The following NELL1 variants were observed in gnomAD, a reference collection of about 807,000 sequenced individuals.
NELL1 encodes neural EGFL like 1.
NELL1 carries 76 observed loss-of-function variants against 107.4 expected under a neutral mutation model. The ratio of observed to expected loss-of-function variants is 0.71; its 90% CI spans 0.59 to 0.86. The LOEUF (loss-of-function observed/expected upper bound fraction) is 0.86, where lower values mean the gene tolerates loss of function less well. Ranked by LOEUF, NELL1 falls within the 40% of genes least tolerant of loss-of-function variation. NELL1 has a pLI of 0.00. For missense variants in NELL1, 1,024 were observed against 1,005.5 expected (o/e 1.02, Z -0.25); for synonymous variants, 353 against 341.2 (o/e 1.03, Z -0.38).
At chr11:21,416,287 A>G (rs757124974) in intron 15 of NELL1, among the ~76,000 whole-genome samples, 8 of 152,082 alleles carry the variant, frequency 5.3e-5, no homozygotes, top group Admixed American at 2.0e-4. Flanking sequence ...GTGCTAAATT[A>G]AATACTACCT....
chr11:21,056,908 A>G (rs533118717), intron 12 of NELL1, among the ~76,000 whole-genome samples: 2 of 152,212 alleles, frequency 1.3e-5, no homozygotes, highest in South Asian at 2.1e-4. Context: ...ATTGAAAACC[A>G]TGTTTGGCTT....
intron 10 of NELL1, among the ~76,000 whole-genome samples, chr11:20,946,694 C>A (rs7116841): frequency 0.023 from 3,523 of 152,258 alleles, 137 homozygotes; most frequent in African/African-American, 0.081. Context: ...TTTCTCCCCA[C>A]CTGAGCAGAG....
chr11:20,984,383 G>A (rs1851809476), intron 12 of NELL1, among the ~76,000 whole-genome samples: 1 of 152,164 alleles, frequency 6.6e-6, no homozygotes, highest in South Asian at 2.1e-4. Flanking sequence ...CTGACTTTGA[G>A]TCAGTTACTT....
intron 2 of NELL1, among the ~76,000 whole-genome samples, chr11:20,761,179 A>G (rs1856411697): frequency 6.6e-6 from 1 of 152,220 alleles, no homozygotes; most frequent in Non-Finnish European, 1.5e-5. Flanking sequence ...GCCTGTTGTC[A>G]TGAAGTGTCA....
intron 12 of NELL1, among the ~76,000 whole-genome samples, chr11:20,974,585 T>C (rs1476364757): frequency 6.6e-6 from 1 of 152,232 alleles, no homozygotes; most frequent in African/African-American, 2.4e-5. Context: ...TTTGTTTTTC[T>C]GATACACCAA....
intron 13 of NELL1, among the ~76,000 whole-genome samples, chr11:21,153,557 G>A (rs141379643): frequency 2.0e-4 from 30 of 152,244 alleles, no homozygotes; most frequent in East Asian, 1.9e-3. Context: ...TCAAGAGGGC[G>A]TTGGGGAAAT....
At chr11:20,907,893 A>G (rs897278516) in intron 5 of NELL1, among the ~76,000 whole-genome samples, 2 of 152,176 alleles carry the variant, frequency 1.3e-5, no homozygotes, top group Admixed American at 6.6e-5. Flanking sequence ...TGGGCAAAAG[A>G]GATGAACAGA....
chr11:21,548,454 A>G lies in NELL1; in HGVS notation c.1787-11735A>G, dbSNP rs957146642. 6.6e-5 allele frequency among the ~76,000 whole-genome samples: 10 copies of G among 152,032 alleles called. No homozygotes were observed. In the East Asian group the frequency reaches 2.0e-3, roughly 30 times the overall value. On this transcript the variant is annotated intron_variant, in intron 16 of 19. Coordinates refer to ENST00000357134, the MANE Select transcript of NELL1 (RefSeq NM_006157.5). The stretch of plus-strand genomic sequence containing the variant: ...TGGGGAGGCCTCAAAATCACGGTGG[A>G]AGGCAGAAGGCACATCTTACTTCTC...
chr11:21,099,355 G>A (rs1007821515), intron 12 of NELL1, among the ~76,000 whole-genome samples: 4 of 152,058 alleles, frequency 2.6e-5, no homozygotes, highest in African/African-American at 4.8e-5. Flanking sequence ...CAGCCCTGGG[G>A]TTGTCAGCAG....
Position 21,569,455 on chromosome 11 carries a change from TATGATG to T in NELL1, c.1981-1276_1981-1271del, listed in dbSNP as rs147067365. Among the ~76,000 whole-genome samples, 884 of 149,704 alleles carry T rather than the reference TATGATG, an allele frequency of 5.9e-3. 4 individuals are homozygous for T. The highest frequency in any genetic ancestry group is 9.5e-3 in the African/African-American group (389 of 40,796). ...GATAAGTATTAAATACATGGTAGAATATGATGATGATGATGATGATGATGATGATGA... is the reference window on the plus strand; with the variant it reads ...GATAAGTATTAAATACATGGTAGAATATGATGATGATGATGATGATGATGA... On this transcript the variant is annotated intron_variant, in intron 17 of 19. Coordinates refer to ENST00000357134, the MANE Select transcript of NELL1 (RefSeq NM_006157.5).
chr11:20,774,234 C>T lies in NELL1; in HGVS notation c.185-9446C>T, dbSNP rs936431781. ...TTTCCCTCCCTCCTTCCCTTCCTTC[C>T]TTCCTTTCCTCCCCCTCTCCCATCT... On this transcript the variant is annotated intron_variant, in intron 2 of 19. Transcript: ENST00000357134. Among the ~76,000 whole-genome samples, 3 of 123,540 alleles carry T rather than the reference C, an allele frequency of 2.4e-5. No individual in the cohort carries two copies. In the Admixed American group the frequency reaches 2.5e-4, roughly 10 times the overall value. 81.0% of individuals were successfully genotyped at this position (123,540 alleles called of 152,430 possible).
At chr11:21,353,849 A>C (rs1157584002) in intron 14 of NELL1, among the ~76,000 whole-genome samples, 1 of 152,212 alleles carries the variant, frequency 6.6e-6, no homozygotes, top group Non-Finnish European at 1.5e-5. Context: ...GTAAATTTTC[A>C]ACAAAATACA....
intron 5 of NELL1, among the ~76,000 whole-genome samples, chr11:20,915,717 A>ATATATATATATATATTTTTTTTTTTT: frequency 8.6e-5 from 5 of 58,216 alleles, no homozygotes; most frequent in African/African-American, 4.4e-4. Context: ...ATATATATAT[A>ATATATATATATATATTTTTTTTTTTT]TTTTTTTTTT....
At chr11:21,360,714 T>C (rs572237790) in intron 14 of NELL1, among the ~76,000 whole-genome samples, 2 of 152,262 alleles carry the variant, frequency 1.3e-5, no homozygotes, top group South Asian at 4.1e-4. Context: ...TCCTTCATCT[T>C]TATATAATGT....
At chr11:21,153,215 C>A in intron 13 of NELL1, among the ~76,000 whole-genome samples, 1 of 151,996 alleles carries the variant, frequency 6.6e-6, no homozygotes, top group East Asian at 1.9e-4. Context: ...TTGATTTAAC[C>A]AGATGGACCA....
At chr11:20,866,213 C>T (rs10766733) in intron 4 of NELL1, among the ~76,000 whole-genome samples, 98,382 of 152,000 alleles carry the variant, frequency 0.65, 33,351 homozygotes, top group Non-Finnish European at 0.76. Flanking sequence ...CATTCAGGTC[C>T]CCAGATGGGA....
chr11:21,226,024 C>T (rs1404722489), intron 13 of NELL1, among the ~76,000 whole-genome samples: 1 of 152,158 alleles, frequency 6.6e-6, no homozygotes, highest in Non-Finnish European at 1.5e-5. Context: ...ATACTCTTAA[C>T]CTCTATGCCA....
chr11:21,288,952 G>A (rs1244137035), intron 14 of NELL1, among the ~76,000 whole-genome samples: 1 of 152,146 alleles, frequency 6.6e-6, no homozygotes, highest in Non-Finnish European at 1.5e-5. Flanking sequence ...TTCTAAGAAG[G>A]AGTGTTCTAA....
chr11:21,224,729 G>A (rs904530030), intron 13 of NELL1, among the ~76,000 whole-genome samples: 1 of 152,074 alleles, frequency 6.6e-6, no homozygotes, highest in African/African-American at 2.4e-5. Context: ...GCTTGAACTA[G>A]CCTATTATTG....
Sources: allele counts gnomAD v4.1 joint callset (sites outside exome capture counted in the v4.1 genomes callset), GRCh38; gene constraint gnomAD v4.1.1; transcripts MANE v1.5; gene names NCBI Gene and HGNC (gene_info 2026-07-23, HGNC 2026-07-21).